APLF: variants seen among roughly 807,000 people sequenced by gnomAD.
APLF encodes aprataxin and PNK-like factor.
APLF carries 61 observed loss-of-function variants against 55.6 expected under a neutral mutation model. The observed-to-expected ratio is 1.10, with a 90% confidence interval of 0.89 to 1.36. The LOEUF is 1.36. Ranked by LOEUF, APLF falls within the 40% of genes most tolerant of loss-of-function variation. APLF has a pLI of 0.00. For missense variants in APLF, 611 were observed against 602.5 expected, an observed-to-expected ratio of 1.01 and a Z score of -0.15; for synonymous variants, 207 against 214.8, an observed-to-expected ratio of 0.96 and a Z score of 0.32.
intron 2 of APLF, among the ~76,000 whole-genome samples, chr2:68,492,386 G>T (rs1676399623): frequency 6.6e-6 from 1 of 152,172 alleles, no homozygotes; most frequent in African/African-American, 2.4e-5. Context: ...GCTGAGGCAG[G>T]AGAATGGCGT....
intron 9 of APLF, among the ~76,000 whole-genome samples, chr2:68,569,575 A>G (rs575273172): frequency 6.6e-6 from 1 of 152,322 alleles, no homozygotes; most frequent in Non-Finnish European, 1.5e-5. Flanking sequence ...CTCAACAGCC[A>G]GACCAAAGAC....
At chr2:68,518,800 T>A (rs1437523174) in intron 5 of APLF, among the ~76,000 whole-genome samples, 1 of 17,918 alleles carries the variant, frequency 5.6e-5, no homozygotes, top group African/African-American at 2.6e-4. Flanking sequence ...ATATTAATAA[T>A]CTATCATATA....
intron 8 of APLF, 101 bp from the exon 9 acceptor site, chr2:68,567,240 T>C: frequency 2.0e-6 from 2 of 1,012,852 alleles, no homozygotes; most frequent in South Asian, 2.9e-5. Flanking sequence ...TATTGGGTCC[T>C]AAGTTTATTT....
chr2:68,519,259 A>G (rs1669818187), intron 5 of APLF, among the ~76,000 whole-genome samples: 2 of 137,858 alleles, frequency 1.5e-5, no homozygotes, highest in Non-Finnish European at 3.1e-5. Flanking sequence ...TCATTTATAT[A>G]TAATATAATA....
chr2:68,510,567 T>C (rs1229944150), intron 3 of APLF, among the ~76,000 whole-genome samples: 2 of 151,808 alleles, frequency 1.3e-5, no homozygotes, highest in African/African-American at 4.8e-5. Flanking sequence ...TATTATACAT[T>C]GTGGTGGGAT....
At chr2:68,549,988 G>A (rs374759853) in intron 8 of APLF, among the ~76,000 whole-genome samples, 7 of 151,994 alleles carry the variant, frequency 4.6e-5, no homozygotes, top group East Asian at 1.9e-4. Context: ...GTAACCTGTC[G>A]GAGTGTTGGT....
Position 68,467,596 on chromosome 2 carries a change from C to A in APLF, c.-136C>A. 1 of 646,096 alleles carries A rather than the reference C, an allele frequency of 1.5e-6. No individual in the cohort carries two copies. The highest frequency in any genetic ancestry group is 2.2e-6 in the Non-Finnish European group (1 of 451,928). 40.0% of individuals were successfully genotyped at this position (646,096 alleles called of 1,614,324 possible). A position where few individuals can be genotyped will look rare whatever the true frequency, so the allele number is the denominator to read the frequency against. ...TGGGGCCGGGCTCTGAGAGGACCGG[C>A]GCAGCCGCGGGGAGCCTTTGAGGCC... is the stretch of plus-strand genomic sequence containing the variant. On this transcript the variant is annotated 5_prime_UTR_variant, in exon 1 of 10. Transcript: ENST00000303795.
At chr2:68,542,983 G>A (rs1459297909) in intron 7 of APLF, among the ~76,000 whole-genome samples, 2 of 152,136 alleles carry the variant, frequency 1.3e-5, no homozygotes, top group African/African-American at 4.8e-5. Context: ...GGGAAATTCT[G>A]ACACATGCTC....
intron 2 of APLF, among the ~76,000 whole-genome samples, chr2:68,500,822 T>C (rs1026558464): frequency 6.6e-6 from 1 of 152,170 alleles, no homozygotes; most frequent in Non-Finnish European, 1.5e-5. Context: ...GATTCCCAAG[T>C]TCAGCAGCGG....
chr2:68,487,849 T>C (rs1009960873), intron 1 of APLF, among the ~76,000 whole-genome samples: 10 of 152,192 alleles, frequency 6.6e-5, no homozygotes, highest in Admixed American at 3.9e-4. Context: ...ACACTATAAA[T>C]GTCTGAGTGA....
chr2:68,490,263 T>C lies in APLF; in HGVS notation c.168+2T>C, dbSNP rs201262531. 17 of 1,609,648 alleles carry C rather than the reference T, an allele frequency of 1.1e-5. No homozygotes were observed. In the African/African-American group the frequency reaches 2.1e-4, roughly 20 times the overall value. On this transcript the variant is annotated splice_donor_variant, in intron 2 of 9. Coordinates refer to ENST00000303795, the MANE Select transcript of APLF (RefSeq NM_173545.3). LOFTEE classifies it high-confidence loss of function. ...GGTGGTCAGCTGCGAATCAAACCGGTAAATATGTTATTAATGATTCATTTT... is the reference window on the plus strand; with the variant it reads ...GGTGGTCAGCTGCGAATCAAACCGGCAAATATGTTATTAATGATTCATTTT...
intron 5 of APLF, among the ~76,000 whole-genome samples, chr2:68,519,499 G>A (rs1029920522): frequency 6.7e-6 from 1 of 149,522 alleles, no homozygotes; most frequent in Non-Finnish European, 1.5e-5. Context: ...AGTTCACATT[G>A]GTTCAATTTT....
rs1388356135 is a variant in APLF at position 68,518,446 on chromosome 2, ATATAT to A, written c.622+4772_622+4776del. On this transcript the variant is annotated intron_variant, in intron 5 of 9. Coordinates refer to ENST00000303795, the MANE Select transcript of APLF (RefSeq NM_173545.3). ...ATAATTTATTATATAATATATAATA[ATATAT>A]TATATATTATATAACATATTAATAA... is the stretch of plus-strand genomic sequence containing the variant. Among the ~76,000 whole-genome samples, 96 of 111,930 alleles carry A rather than the reference ATATAT, an allele frequency of 8.6e-4. 2 individuals carry two copies. The East Asian group carries it at 0.011, about 12-fold the overall frequency. 73.4% of individuals were successfully genotyped at this position (111,930 alleles called of 152,430 possible).
intron 1 of APLF, among the ~76,000 whole-genome samples, chr2:68,474,396 C>T (rs115272950): frequency 0.015 from 2,351 of 152,312 alleles, 42 homozygotes; most frequent in South Asian, 0.04. Flanking sequence ...GACTAGCTCC[C>T]ACCCTGAAGC....
chr2:68,544,408 G>T (rs1189469340), intron 7 of APLF, among the ~76,000 whole-genome samples: 1 of 152,174 alleles, frequency 6.6e-6, no homozygotes, highest in Non-Finnish European at 1.5e-5. Flanking sequence ...ATGATTGAAT[G>T]CAGAAGCAGG....
At position 68,570,719 on chromosome 2, in the gene APLF, G is replaced by A. The variant is rs113459037; in HGVS notation, c.1333+3332G>A. ...TGTTGGACATTTGGGTTAGTTCCAA[G>A]TCTTTGCTATTGTGAGTAGTGCCGC... On this transcript the variant is annotated intron_variant, in intron 9 of 9. Coordinates refer to ENST00000303795, the MANE Select transcript of APLF (RefSeq NM_173545.3). Among the ~76,000 whole-genome samples the A allele has an allele frequency of 2.2e-4, 33 of 152,260 alleles. 1 individual carries two copies. The highest frequency in any genetic ancestry group is 7.5e-4 in the African/African-American group (31 of 41,542).
At chr2:68,546,785 T>A (rs1573247561) in intron 8 of APLF, among the ~76,000 whole-genome samples, 1 of 151,856 alleles carries the variant, frequency 6.6e-6, no homozygotes, top group Non-Finnish European at 1.5e-5. Flanking sequence ...CTACAAAAAA[T>A]TTATAGCAAA....
intron 9 of APLF, among the ~76,000 whole-genome samples, chr2:68,575,042 C>A (rs544954842): frequency 1.3e-5 from 2 of 152,260 alleles, no homozygotes; most frequent in South Asian, 4.1e-4. Flanking sequence ...CACAGATGGG[C>A]AGTGGACACA....
At chr2:68,511,114 GTT>G (rs1677036265) in intron 3 of APLF, among the ~76,000 whole-genome samples, 1 of 151,692 alleles carries the variant, frequency 6.6e-6, no homozygotes, top group African/African-American at 2.4e-5. Flanking sequence ...GCACAACTCT[GTT>G]AACATACTAA....
Sources: gnomAD v4.1 joint callset for allele counts (sites outside exome capture counted in the v4.1 genomes callset) on GRCh38, gnomAD v4.1.1 for gene constraint, MANE v1.5 for transcripts, NCBI Gene and HGNC (gene_info 2026-07-23, HGNC 2026-07-21) for gene names.